The following TLL2 variants were observed in gnomAD, a reference collection of about 807,000 sequenced individuals.
The protein encoded by TLL2 is tolloid-like protein 2.
Under a neutral mutation model 123.0 loss-of-function variants are expected in TLL2, and 106 were observed. The observed-to-expected ratio is 0.86, with a 90% CI of 0.74 to 1.01. The LOEUF is 1.01. TLL2 is among the 50% of genes least tolerant of loss of function. The probability of loss-of-function intolerance (pLI) is 0.00; values close to 1 mark genes in which losing one functional copy is unlikely to be tolerated. For synonymous variants in TLL2, 494 were observed against 516.8 expected, an observed-to-expected ratio of 0.96 and a Z score of 0.60; for missense variants, 1,332 against 1,336.7, an observed-to-expected ratio of 1.00 and a Z score of 0.06.
intron 13 of TLL2, among the ~76,000 whole-genome samples, chr10:96,392,397 C>T (rs1448948878): frequency 1.3e-5 from 2 of 150,902 alleles, no homozygotes; most frequent in East Asian, 1.9e-4. Context: ...GGGACACATA[C>T]TAAAAAAAAA....
intron 1 of TLL2, 148 bp downstream of exon 1, chr10:96,513,363 C>T: frequency 9.7e-7 from 1 of 1,029,136 alleles, no homozygotes. Flanking sequence ...TAAGCAATTC[C>T]TCGGAGGCAT....
At chr10:96,412,297 C>G (rs1447725125) in intron 8 of TLL2, among the ~76,000 whole-genome samples, 1 of 152,188 alleles carries the variant, frequency 6.6e-6, no homozygotes, top group Non-Finnish European at 1.5e-5. Flanking sequence ...ACGGTCCTCA[C>G]TTCAAATACT....
chr10:96,410,542 G>C, intron 8 of TLL2, 68 bp from the exon 9 acceptor site: 1 of 1,286,012 alleles, frequency 7.8e-7, no homozygotes, highest in Non-Finnish European at 1.1e-6. Context: ...GCTCCCGCAC[G>C]GGGCAGCGGA....
At chr10:96,378,859 G>C in intron 17 of TLL2, 108 bp downstream of exon 17, 1 of 1,438,742 alleles carries the variant, frequency 7.0e-7, no homozygotes. Flanking sequence ...CAGCTCAGAA[G>C]GTGGAAGAGG....
At chr10:96,481,350 T>C (rs1847310122) in intron 1 of TLL2, among the ~76,000 whole-genome samples, 1 of 152,130 alleles carries the variant, frequency 6.6e-6, no homozygotes. Context: ...GGTCTCGCTA[T>C]GTTGTGCAGT....
intron 1 of TLL2, among the ~76,000 whole-genome samples, chr10:96,500,030 C>G (rs904662465): frequency 9.5e-5 from 14 of 147,480 alleles, no homozygotes; most frequent in African/African-American, 3.5e-4. Context: ...CCTGTAATCC[C>G]AGCACTTTGG....
intron 15 of TLL2, 41 bp from the exon 16 acceptor site, chr10:96,384,808 C>T (rs1846217978): frequency 1.3e-6 from 2 of 1,531,470 alleles, no homozygotes; most frequent in South Asian, 2.5e-5. Context: ...GAGTCCCTGT[C>T]CCCACCCCAG....
intron 2 of TLL2, among the ~76,000 whole-genome samples, chr10:96,476,240 A>ATATATATATATTTT: frequency 4.9e-4 from 10 of 20,490 alleles, no homozygotes; most frequent in Non-Finnish European, 8.0e-4. Flanking sequence ...ATATATATAT[A>ATATATATATATTTT]TTTTATTTTT....
At chr10:96,446,494 C>T (rs533100155) in intron 2 of TLL2, among the ~76,000 whole-genome samples, 3 of 132,542 alleles carry the variant, frequency 2.3e-5, no homozygotes, top group African/African-American at 8.1e-5. Flanking sequence ...TCCTCACGCG[C>T]CCCCCACCTC....
intron 2 of TLL2, among the ~76,000 whole-genome samples, chr10:96,462,105 A>G (rs1206942426): frequency 1.3e-5 from 2 of 152,192 alleles, no homozygotes; most frequent in African/African-American, 2.4e-5. Context: ...GGCCATTATT[A>G]TTGTGAGGTA....
In TLL2 at chr10:96,384,597, G is replaced by C; in HGVS notation, c.2184C>G (p.His728Gln). ...NTVSKRGFRA[H>Q]FFSDKDECAK... ...TCTGAACCCGCATACCTGAGAAGAAGTGGGCCCTGAAGCCGCGCTTGGAGA... is the reference window on the plus strand; with the variant it reads ...TCTGAACCCGCATACCTGAGAAGAACTGGGCCCTGAAGCCGCGCTTGGAGA... Residue 728 changes from histidine (H) to glutamine (Q), a missense_variant, in exon 16 of 21, where the codon CAC becomes CAG. Transcript: ENST00000357947. 1.3e-6 allele frequency: 2 copies of C among 1,593,432 alleles called. No homozygotes were observed. The highest frequency in any genetic ancestry group is 1.7e-4 in the Middle Eastern group (1 of 5,980).
At chr10:96,500,346 A>G (rs1847522530) in intron 1 of TLL2, among the ~76,000 whole-genome samples, 1 of 152,004 alleles carries the variant, frequency 6.6e-6, no homozygotes, top group Admixed American at 6.6e-5. Flanking sequence ...AAACAAAAAA[A>G]ACTTTTGAAG....
intron 2 of TLL2, among the ~76,000 whole-genome samples, chr10:96,459,006 A>G (rs1198573049): frequency 6.6e-6 from 1 of 152,236 alleles, no homozygotes; most frequent in African/African-American, 2.4e-5. Context: ...GAGACTTGGA[A>G]TAACTTTAAT....
Position 96,432,854 on chromosome 10 carries a change from A to G in TLL2, c.473T>C (p.Ile158Thr), listed in dbSNP as rs749406912. ...RRATTSRTER[I>T]WPGGVIPYVI... The stretch of plus-strand genomic sequence containing the variant: ...GTAGGGGATGACTCCTCCAGGCCAT[A>G]TCCTCTCTGTCCTTGAGGTTGTGGC... The change falls in exon 4 of 21, where the codon ATA becomes ACA. Residue 158 changes from isoleucine (I) to threonine (T), a missense_variant. Physicochemically the swap from Ile to Thr is moderately conservative, Grantham distance 89 (BLOSUM62 -1). Transcript: ENST00000357947. 3.8e-5 allele frequency: 61 copies of G among 1,613,960 alleles called. No individual in the cohort carries two copies. Among genetic ancestry groups the G allele is most frequent in the Admixed American group, 5.0e-5 (3 of 59,996 alleles).
At chr10:96,456,973 C>A (rs966097508) in intron 2 of TLL2, among the ~76,000 whole-genome samples, 8 of 152,200 alleles carry the variant, frequency 5.3e-5, no homozygotes, top group Non-Finnish European at 1.0e-4. Flanking sequence ...AGGAGGGAAA[C>A]AACACGTCCA....
intron 2 of TLL2, among the ~76,000 whole-genome samples, chr10:96,477,642 C>G (rs187285939): frequency 6.6e-6 from 1 of 152,306 alleles, no homozygotes; most frequent in East Asian, 1.9e-4. Context: ...GCACTTTGCA[C>G]ATATTCTTTC....
At chr10:96,449,517 A>T (rs1294441182) in intron 2 of TLL2, among the ~76,000 whole-genome samples, 1 of 152,214 alleles carries the variant, frequency 6.6e-6, no homozygotes, top group Admixed American at 6.5e-5. Flanking sequence ...TTATCTCAGA[A>T]AGGAAGCAAA....
intron 2 of TLL2, among the ~76,000 whole-genome samples, chr10:96,477,722 A>T (rs542166085): frequency 6.6e-6 from 1 of 152,242 alleles, no homozygotes; most frequent in Admixed American, 6.5e-5. Context: ...GAAGAAACTG[A>T]GGCCCAGCTT....
intron 2 of TLL2, among the ~76,000 whole-genome samples, chr10:96,476,641 A>AC (rs1261320366): frequency 6.6e-6 from 1 of 151,708 alleles, no homozygotes. Context: ...TAAGAGGAAA[A>AC]AAAAATACAG....
Sources: allele counts gnomAD v4.1 joint callset (sites outside exome capture counted in the v4.1 genomes callset), GRCh38; gene constraint gnomAD v4.1.1; transcripts MANE v1.5; gene names NCBI Gene and HGNC (gene_info 2026-07-23, HGNC 2026-07-21).